VPS45: variants seen among roughly 807,000 people sequenced by gnomAD.
The protein encoded by VPS45 is vacuolar protein sorting-associated protein 45.
Under a neutral mutation model 75.9 loss-of-function variants are expected in VPS45, and 35 were observed. That is an observed-to-expected ratio of 0.46 (90% CI 0.35 to 0.61). The LOEUF (loss-of-function observed/expected upper bound fraction) is 0.61, where lower values mean the gene tolerates loss of function less well. Among genes scored for constraint, VPS45 ranks in the 20% least tolerant of loss-of-function variants. The probability of loss-of-function intolerance (pLI) is 0.00; values close to 1 mark genes in which losing one functional copy is unlikely to be tolerated. For synonymous variants in VPS45, 220 were observed against 238.2 expected, an observed-to-expected ratio of 0.92 and a Z score of 0.70; for missense variants, 559 against 685.9, an observed-to-expected ratio of 0.81 and a Z score of 2.07.
At chr1:150,076,020 G>A (rs888230433) in intron 3 of VPS45, among the ~76,000 whole-genome samples, 6 of 150,894 alleles carry the variant, frequency 4.0e-5, no homozygotes, top group African/African-American at 1.5e-4. Flanking sequence ...CCAAAGTGCT[G>A]GGATTACAGG....
At chr1:150,083,079 A>T (rs1371076584) in intron 10 of VPS45, 196 bp downstream of exon 10, 1 of 538,992 alleles carries the variant, frequency 1.9e-6, no homozygotes, top group Non-Finnish European at 3.0e-6. Flanking sequence ...GCAATTCCCA[A>T]GGGTTCAGTT....
chr1:150,112,730 G>T (rs1657712830), intron 14 of VPS45, among the ~76,000 whole-genome samples: 1 of 152,184 alleles, frequency 6.6e-6, no homozygotes, highest in African/African-American at 2.4e-5. Flanking sequence ...CCAGTCACAA[G>T]TTCCAGACCA....
rs902238077 is a variant in VPS45 at position 150,102,673 on chromosome 1, T to C, written c.1494-7823T>C. 2.1e-4 allele frequency among the ~76,000 whole-genome samples: 32 copies of C among 151,922 alleles called. 1 individual carries two copies. The highest frequency in any genetic ancestry group is 2.1e-3 in the Admixed American group (32 of 15,272). On this transcript the variant is annotated intron_variant, in intron 13 of 14. Coordinates refer to ENST00000644510, the MANE Select transcript of VPS45 (RefSeq NM_007259.5). ...ATAAGGAAAATGTACATATACACCA[T>C]GGAATGTTAGGCAGCCATAAAAAAA...
At position 150,092,015 on chromosome 1, in the gene VPS45, T is replaced by C. The variant is rs1553802005; in HGVS notation, c.1183T>C (p.Tyr395His). Residue 395 changes from tyrosine (Y) to histidine (H), a missense_variant, in exon 11 of 15, where the codon TAT becomes CAT. Coordinates refer to ENST00000644510, the MANE Select transcript of VPS45 (RefSeq NM_007259.5). ...ARLVMLYALH[Y>H]ERHSSNSLPG... ...CCTGGTGATGCTTTATGCTTTACAT[T>C]ATGAGCGACACAGCAGCAATAGCCT... 1 of 1,614,086 alleles carries C rather than the reference T, an allele frequency of 6.2e-7. No individual in the cohort carries two copies. Among genetic ancestry groups the C allele is most frequent in the Admixed American group, 1.7e-5 (1 of 60,020 alleles).
chr1:150,097,493 C>T (rs1486591908), intron 13 of VPS45, among the ~76,000 whole-genome samples: 1 of 151,502 alleles, frequency 6.6e-6, no homozygotes, highest in African/African-American at 2.4e-5. Context: ...GCCGAGCGGG[C>T]AGATTCTTTG....
chr1:150,136,591 G>T (rs1659114789), intron 14 of VPS45, among the ~76,000 whole-genome samples: 1 of 151,934 alleles, frequency 6.6e-6, no homozygotes, highest in Non-Finnish European at 1.5e-5. Flanking sequence ...AAGTGTTCAT[G>T]TACAGAAGTT....
intron 14 of VPS45, among the ~76,000 whole-genome samples, chr1:150,119,376 G>C (rs1658109653): frequency 6.6e-6 from 1 of 152,178 alleles, no homozygotes; most frequent in Non-Finnish European, 1.5e-5. Flanking sequence ...ATTTGTTTCT[G>C]TGAATTATTA....
At chr1:150,103,327 A>G (rs587774292) in intron 13 of VPS45, among the ~76,000 whole-genome samples, 21 of 152,350 alleles carry the variant, frequency 1.4e-4, no homozygotes, top group Admixed American at 6.5e-4. Context: ...TTTACTGGGA[A>G]AAGGAATGAA....
Position 150,100,231 on chromosome 1 carries a change from C to T in VPS45, c.1493+6583C>T, listed in dbSNP as rs1255864691. On this transcript the variant is annotated intron_variant, in intron 13 of 14. Transcript: ENST00000644510. Reference sequence around the variant, plus strand: ...CCAAATCAGAAAGCAATCCCATTCACAACTGCCACCAAAAAAATAAAATAC... The same window carrying T: ...CCAAATCAGAAAGCAATCCCATTCATAACTGCCACCAAAAAAATAAAATAC... Among the ~76,000 whole-genome samples, 3 of 152,114 alleles carry T rather than the reference C, an allele frequency of 2.0e-5. No homozygotes were observed. The East Asian group carries it at 5.8e-4, about 29-fold the overall frequency.
chr1:150,070,860 C>T (rs1407103178), intron 2 of VPS45, among the ~76,000 whole-genome samples: 2 of 151,672 alleles, frequency 1.3e-5, no homozygotes, highest in African/African-American at 4.8e-5. Context: ...AAGAATCTTT[C>T]CTTTTTCTTT....
chr1:150,072,120 TAAGCAA>T, intron 2 of VPS45, 40 bp from the exon 3 acceptor site: 1 of 1,543,392 alleles, frequency 6.5e-7, no homozygotes, highest in Admixed American at 1.7e-5. Flanking sequence ...CTTTTTTCCT[TAAGCAA>T]CTCTCCTCAT....
intron 10 of VPS45, among the ~76,000 whole-genome samples, chr1:150,084,835 C>T (rs941261681): frequency 1.6e-4 from 25 of 152,106 alleles, no homozygotes; most frequent in African/African-American, 5.1e-4. Context: ...CAGACTGTTA[C>T]GATGATTCAA....
intron 4 of VPS45, 31 bp from the exon 5 acceptor site, chr1:150,076,885 G>T: frequency 6.2e-7 from 1 of 1,611,606 alleles, no homozygotes; most frequent in Non-Finnish European, 8.5e-7. Flanking sequence ...TGAAGTTTAT[G>T]GAATGACTAT....
intron 10 of VPS45, among the ~76,000 whole-genome samples, chr1:150,086,266 A>G (rs1407496165): frequency 1.3e-5 from 2 of 152,156 alleles, no homozygotes; most frequent in African/African-American, 2.4e-5. Context: ...AGGGGGAAAA[A>G]TAATAGTACT....
intron 13 of VPS45, chr1:150,099,173 T>A: frequency 1.7e-6 from 1 of 575,254 alleles, no homozygotes; most frequent in Non-Finnish European, 2.2e-6. Context: ...TGTTTCCATG[T>A]AACTTAACCA....
At chr1:150,141,025 A>G (rs1378217915) in intron 14 of VPS45, among the ~76,000 whole-genome samples, 1 of 152,202 alleles carries the variant, frequency 6.6e-6, no homozygotes, top group Non-Finnish European at 1.5e-5. Flanking sequence ...GAAACATAGC[A>G]GTGGCTCTGA....
intron 14 of VPS45, among the ~76,000 whole-genome samples, chr1:150,128,742 C>T (rs1658652135): frequency 6.7e-6 from 1 of 148,416 alleles, no homozygotes; most frequent in African/African-American, 2.5e-5. Context: ...GATTTTCTTT[C>T]TTTTTTTTTT....
At chr1:150,134,447 T>C (rs1258560956) in intron 14 of VPS45, among the ~76,000 whole-genome samples, 2 of 152,216 alleles carry the variant, frequency 1.3e-5, no homozygotes, top group Admixed American at 1.3e-4. Flanking sequence ...GCCTTTCACC[T>C]AACCCAAGGA....
At chr1:150,130,198 C>CTTTTTTTTTTT (rs34302545) in intron 14 of VPS45, among the ~76,000 whole-genome samples, 1 of 86,338 alleles carries the variant, frequency 1.2e-5, no homozygotes, top group African/African-American at 5.0e-5. Context: ...CACACACACA[C>CTTTTTTTTTTT]TTTTTTTTTT....
Sources: gnomAD v4.1 joint callset for allele counts (sites outside exome capture counted in the v4.1 genomes callset) on GRCh38, gnomAD v4.1.1 for gene constraint, MANE v1.5 for transcripts, NCBI Gene and HGNC (gene_info 2026-07-23, HGNC 2026-07-21) for gene names.